The following CSF1 variants were observed in gnomAD, a reference collection of about 807,000 sequenced individuals.
CSF1 encodes the protein colony stimulating factor 1.
A neutral mutation model predicts 48.9 loss-of-function variants in CSF1; 9 were observed. The ratio of observed to expected loss-of-function variants is 0.18; its 90% CI spans 0.11 to 0.32. The LOEUF (loss-of-function observed/expected upper bound fraction) is 0.32. CSF1 is among the 10% of genes least tolerant of loss of function. The pLI is 1.00. For missense variants in CSF1, 672 were observed against 697.9 expected, an observed-to-expected ratio of 0.96 and a Z score of 0.42; for synonymous variants, 305 against 284.1, an observed-to-expected ratio of 1.07 and a Z score of -0.74.
rs748677747 is a variant in CSF1 at position 109,923,504 on chromosome 1, C to A, written c.883C>A (p.Leu295Ile). The change falls in exon 6 of 9, where the codon CTT becomes ATT. Residue 295 changes from leucine to isoleucine, a missense_variant. By Grantham distance (5) the Leu-to-Ile change is conservative. This residue lies in a region of CSF1 where 591 missense variants were observed against 593.6 expected (regional missense o/e 1.00). Coordinates refer to ENST00000329608, the MANE Select transcript of CSF1 (RefSeq NM_000757.6). ...CTTCAACCCCGGGATGGAGGATATT[C>A]TTGACTCTGCAATGGGCACTAATTG... ...GAFNPGMEDI[L>I]DSAMGTNWVP... 2 of 1,614,162 alleles carry A rather than the reference C, an allele frequency of 1.2e-6. No homozygotes were observed. The highest frequency in any genetic ancestry group is 2.7e-5 in the African/African-American group (2 of 75,050).
chr1:109,924,843 T>C lies in CSF1; in HGVS notation c.1622+15T>C. ...CCAGAGGGCAGGTGAGAGCTTGAGG[T>C]GGGGCTCTGGGAGGCACTGGGGGCC... On this transcript the variant is annotated intron_variant, in intron 7 of 8. Coordinates refer to ENST00000329608, the MANE Select transcript of CSF1 (RefSeq NM_000757.6). The C allele has an allele frequency of 6.2e-7, 1 of 1,603,726 alleles. No homozygotes were observed. Among genetic ancestry groups the C allele is most frequent in the Non-Finnish European group, 8.5e-7 (1 of 1,174,932 alleles).
rs1356209609 is a variant in CSF1 at position 109,911,098 on chromosome 1, CTGGGGCGGGGGCTCGGCGGCCAGGCGG to C, written c.39+37_39+63del. 3.5e-3 allele frequency: 3,587 copies of C among 1,023,162 alleles called. 23 individuals carry two copies. Among genetic ancestry groups the C allele is most frequent in the Non-Finnish European group, 4.0e-3 (3,408 of 856,174 alleles). 63.4% of individuals were successfully genotyped at this position (1,023,162 alleles called of 1,614,324 possible). On this transcript the variant is annotated intron_variant, in intron 1 of 8. Transcript: ENST00000329608. ...GCCGCGGCGCTGGGCCCGGGACGGG[CTGGGGCGGGGGCTCGGCGGCCAGGCGG>C]CCGGGAGCGGCCCCTCGGAGCCGAC... is the stretch of plus-strand genomic sequence containing the variant.
intron 8 of CSF1, among the ~76,000 whole-genome samples, chr1:109,927,190 A>G (rs972805439): frequency 2.0e-5 from 3 of 152,214 alleles, no homozygotes; most frequent in African/African-American, 7.2e-5. Context: ...TGACCCAGTC[A>G]AGTTTCCAGT....
At position 109,921,876 on chromosome 1, in the gene CSF1, T is replaced by A; in HGVS notation, c.426T>A (p.Pro142=). The part of the protein sequence containing the change: ...KACVRTFYET[P]LQLLEKVKNV... ...GCGTCCGAACTTTCTATGAGACACC[T>A]CTCCAGTTGCTGGAGAAGGTCAAGA... The change falls in exon 5 of 9, where the codon CCT becomes CCA. Residue 142 remains proline, a synonymous_variant. Coordinates refer to ENST00000329608, the MANE Select transcript of CSF1 (RefSeq NM_000757.6). The A allele has an allele frequency of 6.2e-7, 1 of 1,605,668 alleles. No homozygotes were observed. Among genetic ancestry groups the A allele is most frequent in the African/African-American group, 1.3e-5 (1 of 74,868 alleles).
At chr1:109,910,736 AGTGTGT>A (rs199542023), upstream of CSF1, 5 of 268,704 alleles carry the variant, frequency 1.9e-5, no homozygotes, top group Non-Finnish European at 2.9e-5. Context: ...TGTCTGTGTC[AGTGTGT>A]GTGTGTGTGT....
chr1:109,918,524 T>C (rs2101646575), intron 4 of CSF1, among the ~76,000 whole-genome samples: 1 of 152,084 alleles, frequency 6.6e-6, no homozygotes, highest in South Asian at 2.1e-4. Flanking sequence ...GGTGGGACAG[T>C]GAAGGTGGAG....
At chr1:109,921,526 G>A (rs1014369161) in intron 4 of CSF1, among the ~76,000 whole-genome samples, 1 of 152,202 alleles carries the variant, frequency 6.6e-6, no homozygotes, top group Non-Finnish European at 1.5e-5. Flanking sequence ...CATTGCACTT[G>A]TAACAATGTG....
At chr1:109,913,200 A>G (rs747116953) in intron 1 of CSF1, among the ~76,000 whole-genome samples, 8 of 152,232 alleles carry the variant, frequency 5.3e-5, no homozygotes, top group Non-Finnish European at 1.0e-4. Context: ...ATTTGTCTCA[A>G]CATCTGGATT....
rs745853879 is a variant in CSF1, at chr1:109,924,816, A to G, written c.1610A>G (p.Gln537Arg). 23 of 1,605,370 alleles carry G rather than the reference A, an allele frequency of 1.4e-5. No individual in the cohort carries two copies. Among genetic ancestry groups the G allele is most frequent in the Non-Finnish European group, 1.9e-5 (22 of 1,175,898 alleles). Residue 537 changes from glutamine to arginine, a missense_variant, in exon 7 of 9, where the codon CAA becomes CGA. Around this residue, in one of 3 missense-constraint regions of CSF1, gnomAD observed 591 missense variants for 593.6 expected, o/e 1.00. Transcript: ENST00000329608. ...EPQRADSPLE[Q>R]PEGSPLTQDD... ...CAGAGAGCGGATTCTCCCTTGGAGC[A>G]ACCAGAGGGCAGGTGAGAGCTTGAG...
At chr1:109,924,945 G>A in intron 7 of CSF1, 117 bp downstream of exon 7, 1 of 1,120,934 alleles carries the variant, frequency 8.9e-7, no homozygotes, top group South Asian at 1.3e-5. Flanking sequence ...CTGCAGAACA[G>A]GATGGGGGAG....
chr1:109,917,934 G>A (rs1433194969), intron 4 of CSF1, among the ~76,000 whole-genome samples: 2 of 152,174 alleles, frequency 1.3e-5, no homozygotes, highest in African/African-American at 2.4e-5. Context: ...AAATATGTAA[G>A]TAAAATATAC....
At chr1:109,910,777 G>C (rs1453119624), upstream of CSF1, 1 of 222,430 alleles carries the variant, frequency 4.5e-6, no homozygotes, top group Non-Finnish European at 9.0e-6. Flanking sequence ...CTGGCGCCTG[G>C]CCAGGGTGAT....
chr1:109,924,950 G>A (rs573585338), intron 7 of CSF1, 122 bp downstream of exon 7: 3 of 1,098,358 alleles, frequency 2.7e-6, no homozygotes. Context: ...GAACAGGATG[G>A]GGGAGAGAAG....
chr1:109,922,064 G>A, intron 5 of CSF1, 70 bp downstream of exon 5: 3 of 1,508,178 alleles, frequency 2.0e-6, no homozygotes, highest in South Asian at 1.4e-5. Flanking sequence ...GAGGTGAGAT[G>A]TGAAGCTGGG....
At position 109,917,466 on chromosome 1, in the gene CSF1, A is replaced by G; in HGVS notation, c.396+3A>G. 1.2e-6 allele frequency: 2 copies of G among 1,613,780 alleles called. No homozygotes were observed. Among genetic ancestry groups the G allele is most frequent in the South Asian group, 1.1e-5 (1 of 91,052 alleles). On this transcript the variant is annotated splice_donor_region_variant and intron_variant, in intron 4 of 8. Transcript: ENST00000329608. ...AGGATTATGAAGAGCATGACAAGGT[A>G]GGAAGCCCTGAGGCCTGGAGCACTG...
chr1:109,917,185 C>A, intron 3 of CSF1, 108 bp from the exon 4 acceptor site: 1 of 1,213,958 alleles, frequency 8.2e-7, no homozygotes, highest in Non-Finnish European at 1.2e-6. Context: ...GGTGTGGTCC[C>A]TCCCCTGGGG....
At chr1:109,917,510 C>T in intron 4 of CSF1, 47 bp downstream of exon 4, 1 of 1,590,804 alleles carries the variant, frequency 6.3e-7, no homozygotes, top group African/African-American at 1.3e-5. Flanking sequence ...CAGAGGGTGG[C>T]TGTGGAGGCG....
intron 1 of CSF1, among the ~76,000 whole-genome samples, chr1:109,913,304 T>C (rs2101639473): frequency 6.6e-6 from 1 of 152,324 alleles, no homozygotes. Context: ...GCCAGGAGGC[T>C]TGGGAGCTCT....
chr1:109,925,629 G>A (rs557132259), intron 8 of CSF1, among the ~76,000 whole-genome samples: 1 of 152,116 alleles, frequency 6.6e-6, no homozygotes, highest in African/African-American at 2.4e-5. Flanking sequence ...TTGCCAGATC[G>A]CCACCCCCGC....
Sources: allele counts gnomAD v4.1 joint callset (sites outside exome capture counted in the v4.1 genomes callset), GRCh38; gene constraint gnomAD v4.1.1; regional missense constraint gnomAD v4.1.1; transcripts MANE v1.5; gene names NCBI Gene and HGNC (gene_info 2026-07-23, HGNC 2026-07-21).